IMMP2L: variants seen among roughly 807,000 people sequenced by gnomAD.
The protein encoded by IMMP2L is inner mitochondrial membrane peptidase subunit 2.
IMMP2L carries 18 observed loss-of-function variants against 19.3 expected under a neutral mutation model. The ratio of observed to expected loss-of-function variants is 0.93; its 90% CI spans 0.64 to 1.38. The LOEUF is 1.38. Among genes scored for constraint, IMMP2L ranks in the 40% most tolerant of loss-of-function variants. The pLI, the probability that IMMP2L is intolerant of heterozygous loss-of-function variation, is 0.00. For missense variants in IMMP2L, 233 were observed against 218.2 expected (o/e 1.07, Z -0.43); for synonymous variants, 76 against 73.0 (o/e 1.04, Z -0.21).
intron 3 of IMMP2L, among the ~76,000 whole-genome samples, chr7:111,361,811 T>C (rs1829286797): frequency 6.6e-6 from 1 of 152,130 alleles, no homozygotes; most frequent in Non-Finnish European, 1.5e-5. Context: ...GATAATAACC[T>C]TTCAGTAGGT....
chr7:110,918,481 G>A (rs1182682971), intron 4 of IMMP2L, among the ~76,000 whole-genome samples: 1 of 142,154 alleles, frequency 7.0e-6, no homozygotes, highest in African/African-American at 2.6e-5. Flanking sequence ...TTGAAATGGA[G>A]TTTCACTCTT....
intron 5 of IMMP2L, among the ~76,000 whole-genome samples, chr7:110,770,769 T>C (rs1798979719): frequency 6.6e-6 from 1 of 152,186 alleles, no homozygotes. Context: ...CACTGGGTCA[T>C]TAGGCGGATA....
At chr7:111,336,817 G>A (rs1488032328) in intron 3 of IMMP2L, among the ~76,000 whole-genome samples, 2 of 148,726 alleles carry the variant, frequency 1.3e-5, no homozygotes, top group African/African-American at 4.9e-5. Flanking sequence ...GATTAATCAA[G>A]TTGCCTTTCT....
chr7:110,963,388 A>G lies in IMMP2L; in HGVS notation c.305+112T>C. ...CTAAAGATGTACCAGCTCATTTGGA[A>G]TGTCTCCAAAACTTTGGCCCTCATG... On this transcript the variant is annotated intron_variant, in intron 4 of 5. Transcript: ENST00000405709. 4.4e-6 allele frequency: 3 copies of G among 688,762 alleles called. No homozygotes were observed. The South Asian group carries it at 6.1e-5, about 14-fold the overall frequency. The allele number at this position is 688,762 out of a possible 1,614,324, so 42.7% of individuals were successfully genotyped here. A position where few individuals can be genotyped will look rare whatever the true frequency, so the allele number is the denominator to read the frequency against.
chr7:111,168,381 C>T (rs1468392710), intron 3 of IMMP2L, among the ~76,000 whole-genome samples: 1 of 151,628 alleles, frequency 6.6e-6, no homozygotes, highest in Admixed American at 6.6e-5. Context: ...ATGTACGTTG[C>T]TAAGCAAACC....
intron 3 of IMMP2L, among the ~76,000 whole-genome samples, chr7:111,133,771 A>G (rs74521389): frequency 0.022 from 3,309 of 152,030 alleles, 48 homozygotes; most frequent in Non-Finnish European, 0.033. Context: ...AAGAAAATAG[A>G]CATAGGCACA....
At chr7:111,481,829 T>C (rs1349202866) in intron 3 of IMMP2L, among the ~76,000 whole-genome samples, 2 of 152,192 alleles carry the variant, frequency 1.3e-5, no homozygotes, top group African/African-American at 4.8e-5. Context: ...GATTTAGACG[T>C]AGTGTTATCA....
chr7:110,727,729 T>C lies in IMMP2L; in HGVS notation c.409-64008A>G, dbSNP rs1795993841. On this transcript the variant is annotated intron_variant, in intron 5 of 5. Transcript: ENST00000405709. The surrounding 1 kb of genome is among the most constrained non-coding windows in gnomAD (Gnocchi z 4.3). ...AAATTATTAAATTGAATCCGTATTCTTACCTCCGAAGCTACTGTAGAGAGT... is the reference window on the plus strand; with the variant it reads ...AAATTATTAAATTGAATCCGTATTCCTACCTCCGAAGCTACTGTAGAGAGT... Among the ~76,000 whole-genome samples, 2 of 152,226 alleles carry C rather than the reference T, an allele frequency of 1.3e-5. No homozygotes were observed. Among genetic ancestry groups the C allele is most frequent in the Admixed American group, 6.5e-5 (1 of 15,286 alleles).
intron 3 of IMMP2L, among the ~76,000 whole-genome samples, chr7:111,408,071 T>C (rs1409446762): frequency 2.6e-5 from 4 of 152,000 alleles, no homozygotes; most frequent in Non-Finnish European, 1.5e-5. Context: ...ACTAAATATA[T>C]ATTAATTAAC....
intron 2 of IMMP2L, among the ~76,000 whole-genome samples, chr7:111,497,149 G>A (rs1308317907): frequency 6.6e-6 from 1 of 152,066 alleles, no homozygotes; most frequent in Non-Finnish European, 1.5e-5. Context: ...CCATCAAAGT[G>A]TCACAGGCAC....
chr7:110,980,274 C>CTGGAG (rs1439778470), intron 3 of IMMP2L, among the ~76,000 whole-genome samples: 3 of 144,392 alleles, frequency 2.1e-5, no homozygotes, highest in African/African-American at 7.9e-5. Flanking sequence ...GTCGCCCAGG[C>CTGGAG]TGGAGTGCAG....
In IMMP2L at chr7:110,963,589, ACAAT is replaced by A. The variant is rs1819200734; in HGVS notation, c.240-28_240-25del. On this transcript the variant is annotated intron_variant, in intron 3 of 5. Transcript: ENST00000405709. The stretch of plus-strand genomic sequence containing the variant: ...ACCTAGAACAAGAAGATAACATTAT[ACAAT>A]CAGTTATGTCTATGTTGTTTTAGGA... 10 of 1,396,958 alleles carry A rather than the reference ACAAT, an allele frequency of 7.2e-6. No individual in the cohort carries two copies. In the East Asian group the frequency reaches 2.3e-4, roughly 32 times the overall value. The allele number at this position is 1,396,958 out of a possible 1,614,324, so 86.5% of individuals were successfully genotyped here.
intron 3 of IMMP2L, among the ~76,000 whole-genome samples, chr7:111,381,567 A>C (rs1831207130): frequency 6.6e-6 from 1 of 152,042 alleles, no homozygotes; most frequent in African/African-American, 2.4e-5. Context: ...TGTATAGATG[A>C]AAAACTGTGA....
rs111601027 is a variant in IMMP2L, at chr7:111,203,967, C to G, written c.240-240402G>C. ...TACTTTGATAATACAAAAGATCTCACACTATAGAACTGCTGAATGGACTCA... is the reference window on the plus strand; with the variant it reads ...TACTTTGATAATACAAAAGATCTCAGACTATAGAACTGCTGAATGGACTCA... On this transcript the variant is annotated intron_variant, in intron 3 of 5. Transcript: ENST00000405709. Among the ~76,000 whole-genome samples the G allele has an allele frequency of 3.3e-3, 498 of 152,224 alleles. 1 individual carries two copies. The highest frequency in any genetic ancestry group is 0.011 in the African/African-American group (468 of 41,540).
chr7:110,928,191 G>GAAGAT (rs1418208139), intron 4 of IMMP2L, among the ~76,000 whole-genome samples: 2 of 151,774 alleles, frequency 1.3e-5, no homozygotes, highest in African/African-American at 4.8e-5. Flanking sequence ...GGCATCAACT[G>GAAGAT]AAGATAAAAG....
chr7:110,745,754 C>A (rs1797293741), intron 5 of IMMP2L, among the ~76,000 whole-genome samples: 1 of 152,124 alleles, frequency 6.6e-6, no homozygotes, highest in Non-Finnish European at 1.5e-5. Context: ...CAAGGAAGCA[C>A]TAAACATGGA....
intron 3 of IMMP2L, among the ~76,000 whole-genome samples, chr7:111,027,162 T>C (rs1826920060): frequency 6.6e-6 from 1 of 152,128 alleles, no homozygotes; most frequent in Non-Finnish European, 1.5e-5. Context: ...CACTGCAGTT[T>C]CTCAAATGGA....
chr7:111,103,883 T>C (rs550715773), intron 3 of IMMP2L, among the ~76,000 whole-genome samples: 1 of 151,712 alleles, frequency 6.6e-6, no homozygotes, highest in South Asian at 2.1e-4. Context: ...AGTCCATGCC[T>C]GATCCCTTAA....
intron 3 of IMMP2L, among the ~76,000 whole-genome samples, chr7:111,386,094 T>A (rs1584902491): frequency 6.6e-6 from 1 of 151,564 alleles, no homozygotes; most frequent in Non-Finnish European, 1.5e-5. Context: ...TCCAGGCTGG[T>A]CTTGAACTCC....
Sources: allele counts gnomAD v4.1 joint callset (sites outside exome capture counted in the v4.1 genomes callset), GRCh38; gene constraint gnomAD v4.1.1; non-coding constraint Gnocchi (gnomAD v3.1); transcripts MANE v1.5; gene names NCBI Gene and HGNC (gene_info 2026-07-23, HGNC 2026-07-21).